SGSM2: variants seen among roughly 807,000 people sequenced by gnomAD.
SGSM2 encodes small G protein signaling modulator 2, also known as RUN and TBC1 domain containing 1.
In SGSM2, 89 loss-of-function variants were observed where a neutral mutation model predicts 126.6. That is an observed-to-expected ratio of 0.70 (90% CI 0.59 to 0.84). The LOEUF (loss-of-function observed/expected upper bound fraction) is 0.84, where lower values mean the gene tolerates loss of function less well. Among genes scored for constraint, SGSM2 ranks in the 40% least tolerant of loss-of-function variants. The pLI is 0.00. For synonymous variants in SGSM2, 614 were observed against 574.3 expected (o/e 1.07, Z -0.99); for missense variants, 1,404 against 1,416.6 (o/e 0.99, Z 0.14).
At position 2,364,618 on chromosome 17, in the gene SGSM2, G is replaced by T. The variant is rs141890015; in HGVS notation, c.955G>T (p.Val319Leu). The T allele has an allele frequency of 4.3e-6, 7 of 1,614,198 alleles. No individual in the cohort carries two copies. The South Asian group carries it at 7.7e-5, about 18-fold the overall frequency. Residue 319 changes from valine to leucine, a missense_variant, in exon 9 of 24, where the codon GTG becomes TTG. Physicochemically the swap from Val to Leu is conservative, Grantham distance 32 (BLOSUM62 1). Transcript: ENST00000268989. ...TAGCGTTTACTGGGACTATGCCCTCGTGGTGCCCTTCAGCCAGGTCGTGTG... is the reference window on the plus strand; with the variant it reads ...TAGCGTTTACTGGGACTATGCCCTCTTGGTGCCCTTCAGCCAGGTCGTGTG... ...EKSVYWDYAL[V>L]VPFSQVVCIH...
intron 17 of SGSM2, among the ~76,000 whole-genome samples, chr17:2,374,822 A>T (rs917331676): frequency 2.0e-5 from 3 of 152,184 alleles, no homozygotes; most frequent in African/African-American, 7.2e-5. Context: ...CCCAAAGTAG[A>T]AACTACTTTT....
At position 2,362,454 on chromosome 17, in the gene SGSM2, C is replaced by CCCGTTCCCAAAAACTGCAGGTGACCGCT. The variant is rs2065359192; in HGVS notation, c.458+192_458+193insAAAAACTGCAGGTGACCGCTCCGTTCCC. On this transcript the variant is annotated intron_variant, in intron 4 of 23. Transcript: ENST00000268989. This position sits in a 1 kb window ranked among gnomAD's most constrained non-coding sequence, Gnocchi z 4.9. Reference sequence around the variant, plus strand: ...GTTCCCAAAAACTGCAGGTGACCGCCCCGTTCCCCAAAAACTGCAGGTGAC... The same window carrying CCCGTTCCCAAAAACTGCAGGTGACCGCT: ...GTTCCCAAAAACTGCAGGTGACCGCCCCGTTCCCAAAAACTGCAGGTGACCGCTCCGTTCCCCAAAAACTGCAGGTGAC... Among the ~76,000 whole-genome samples, 1 of 86,346 alleles carries CCCGTTCCCAAAAACTGCAGGTGACCGCT rather than the reference C, an allele frequency of 1.2e-5. No individual in the cohort carries two copies. The highest frequency in any genetic ancestry group is 2.7e-5 in the Non-Finnish European group (1 of 36,412). 56.6% of individuals were successfully genotyped at this position (86,346 alleles called of 152,430 possible). A position where few individuals can be genotyped will look rare whatever the true frequency, so the allele number is the denominator to read the frequency against.
intron 21 of SGSM2, chr17:2,377,269 A>G (rs2066209990): frequency 1.9e-6 from 1 of 539,436 alleles, no homozygotes; most frequent in Non-Finnish European, 3.3e-6. Flanking sequence ...GCGGATCACG[A>G]AGTCAGGAGT....
rs771821873 is a variant in SGSM2, at chr17:2,372,992, G to A, written c.1828G>A (p.Gly610Arg). 14 of 1,587,500 alleles carry A rather than the reference G, an allele frequency of 8.8e-6. No homozygotes were observed. The highest frequency in any genetic ancestry group is 1.3e-5 in the African/African-American group (1 of 74,372). Residue 610 changes from glycine to arginine, a missense_variant, in exon 16 of 24, where the codon GGA becomes AGA. Gly to Arg is a moderately radical substitution (Grantham distance 125). Transcript: ENST00000268989. This position sits in a 1 kb window ranked among gnomAD's most constrained non-coding sequence, Gnocchi z 6.0. ...GGAGCTGCTGCGGCAAGTTTACTAC[G>A]GAGGCATAGAGCACGAGATCCGCAA... is the stretch of plus-strand genomic sequence containing the variant. ...ELELLRQVYY[G>R]GIEHEIRKDV...
chr17:2,348,599 T>G (rs2064708725), intron 2 of SGSM2, among the ~76,000 whole-genome samples: 1 of 152,102 alleles, frequency 6.6e-6, no homozygotes, highest in Admixed American at 6.5e-5. Context: ...AGACCTGGGT[T>G]CACATCCTGG....
intron 2 of SGSM2, among the ~76,000 whole-genome samples, chr17:2,358,552 A>T (rs1465277181): frequency 6.6e-6 from 1 of 152,060 alleles, no homozygotes; most frequent in Non-Finnish European, 1.5e-5. Context: ...TCTACAAAAA[A>T]TTTTTAAAAA....
At chr17:2,376,427 TTCA>T in intron 19 of SGSM2, 166 bp downstream of exon 19, 1 of 818,790 alleles carries the variant, frequency 1.2e-6, no homozygotes, top group Non-Finnish European at 1.9e-6. Context: ...CCCGCGCCTC[TTCA>T]TTCTTAGGGG....
intron 1 of SGSM2, among the ~76,000 whole-genome samples, chr17:2,340,886 G>A (rs1243505128): frequency 6.6e-6 from 1 of 152,070 alleles, no homozygotes; most frequent in Non-Finnish European, 1.5e-5. Context: ...GCCTGGCCCA[G>A]TGTTTAATTT....
In SGSM2 at chr17:2,372,257, G is replaced by A. The variant is rs2065905208; in HGVS notation, c.1642+3G>A. The A allele has an allele frequency of 6.2e-7, 1 of 1,612,884 alleles. No individual in the cohort carries two copies. Among genetic ancestry groups the A allele is most frequent in the Non-Finnish European group, 8.5e-7 (1 of 1,179,620 alleles). On this transcript the variant is annotated splice_donor_region_variant and intron_variant, in intron 14 of 23. Transcript: ENST00000268989. This position sits in a 1 kb window ranked among gnomAD's most constrained non-coding sequence, Gnocchi z 6.0. ...CGTGTCCCGGGCCTTCTACGGCTGT[G>A]AGTGTGGGGCGCGCCGGGCTGTGGC...
Position 2,380,066 on chromosome 17 carries a change from G to A in SGSM2, c.*546G>A, listed in dbSNP as rs2066348075. 1.4e-6 allele frequency: 2 copies of A among 1,408,136 alleles called. No homozygotes were observed. The highest frequency in any genetic ancestry group is 2.7e-5 in the East Asian group (1 of 37,498). 87.2% of individuals were successfully genotyped at this position (1,408,136 alleles called of 1,614,324 possible). On this transcript the variant is annotated 3_prime_UTR_variant, in exon 24 of 24. Coordinates refer to ENST00000268989, the MANE Select transcript of SGSM2 (RefSeq NM_014853.3). ...GGAGACCCGGGCACGGGAGACCCGG[G>A]CCGCCTTCAGGCCGCTCCCCCGAGA...
chr17:2,345,451 C>G (rs1273339834), intron 2 of SGSM2, among the ~76,000 whole-genome samples: 2 of 151,918 alleles, frequency 1.3e-5, no homozygotes, highest in Non-Finnish European at 2.9e-5. Flanking sequence ...AAAAAATTAG[C>G]CAGGCGTGGT....
chr17:2,362,886 G>C lies in SGSM2; in HGVS notation c.507G>C (p.Pro169=). ...EALLADPVFG[P]ILASLLVGPC... is the part of the protein sequence containing the mutation. ...TGCTGGCAGACCCTGTGTTCGGCCCGATCCTGGCCTCTCTTCTAGGTGAGC... is the reference window on the plus strand; with the variant it reads ...TGCTGGCAGACCCTGTGTTCGGCCCCATCCTGGCCTCTCTTCTAGGTGAGC... Residue 169 remains proline, a synonymous_variant, in exon 5 of 24, where the codon CCG becomes CCC. Coordinates refer to ENST00000268989, the MANE Select transcript of SGSM2 (RefSeq NM_014853.3). The surrounding 1 kb of genome is among the most constrained non-coding windows in gnomAD (Gnocchi z 4.9). The C allele has an allele frequency of 6.2e-7, 1 of 1,614,196 alleles. No homozygotes were observed. Among genetic ancestry groups the C allele is most frequent in the East Asian group, 2.2e-5 (1 of 44,886 alleles).
intron 9 of SGSM2, 93 bp from the exon 10 acceptor site, chr17:2,364,804 C>T: frequency 6.4e-7 from 1 of 1,567,532 alleles, no homozygotes; most frequent in Non-Finnish European, 8.7e-7. Context: ...TGTAGCCCAG[C>T]CATCTGCCTC....
chr17:2,379,891 G>A lies in SGSM2; in HGVS notation c.*371G>A. ...GATTAACAGGGGCTATAGCGGCCTG[G>A]GCCCTACTCAGCTGGGGTGGCAGAG... On this transcript the variant is annotated 3_prime_UTR_variant, in exon 24 of 24. Coordinates refer to ENST00000268989, the MANE Select transcript of SGSM2 (RefSeq NM_014853.3). 3.1e-6 allele frequency: 4 copies of A among 1,301,510 alleles called. No homozygotes were observed. Among genetic ancestry groups the A allele is most frequent in the Non-Finnish European group, 3.9e-6 (4 of 1,019,758 alleles). 80.6% of individuals were successfully genotyped at this position (1,301,510 alleles called of 1,614,324 possible).
Position 2,367,096 on chromosome 17 carries a change from A to C in SGSM2, c.1289-175A>C. ...CTGCCCCAGCCCCTCGCCTCCTTCC[A>C]CACTCTCCCAGGAAAATCATCCAAA... On this transcript the variant is annotated intron_variant, in intron 11 of 23. Transcript: ENST00000268989. The surrounding 1 kb of genome is among the most constrained non-coding windows in gnomAD (Gnocchi z 4.0). 2 of 715,542 alleles carry C rather than the reference A, an allele frequency of 2.8e-6. No individual in the cohort carries two copies. The highest frequency in any genetic ancestry group is 4.4e-6 in the Non-Finnish European group (2 of 449,914). 44.3% of individuals were successfully genotyped at this position (715,542 alleles called of 1,614,324 possible).
intron 13 of SGSM2, chr17:2,371,825 C>T (rs2065885881): frequency 7.7e-6 from 3 of 387,540 alleles, no homozygotes; most frequent in Non-Finnish European, 1.4e-5. Flanking sequence ...TGTGCCAGGG[C>T]AGTGAGTGAA....
In SGSM2 at chr17:2,373,150, C is replaced by A. The variant is rs2065958911; in HGVS notation, c.1917+69C>A. Reference sequence around the variant, plus strand: ...GGGCCAGGGGACGCCAGGGAGGGGACCTTGGAAGCCTCAGCCCCTTCCCAG... The same window carrying A: ...GGGCCAGGGGACGCCAGGGAGGGGAACTTGGAAGCCTCAGCCCCTTCCCAG... On this transcript the variant is annotated intron_variant, in intron 16 of 23. Transcript: ENST00000268989. 26 of 1,589,128 alleles carry A rather than the reference C, an allele frequency of 1.6e-5. No homozygotes were observed. In the South Asian group the frequency reaches 2.8e-4, roughly 17 times the overall value.
At chr17:2,349,313 T>A (rs531275358) in intron 2 of SGSM2, among the ~76,000 whole-genome samples, 2 of 151,852 alleles carry the variant, frequency 1.3e-5, no homozygotes, top group East Asian at 3.9e-4. Flanking sequence ...GAGATGGAGG[T>A]TTCAGTGAGC....
rs1321877593 is a variant in SGSM2, at chr17:2,375,771, G to A, written c.2380G>A (p.Ala794Thr). The change falls in exon 18 of 24, where the codon GCT becomes ACT. Residue 794 changes from alanine to threonine, a missense_variant. Ala to Thr is a moderately conservative substitution (Grantham distance 58). Coordinates refer to ENST00000268989, the MANE Select transcript of SGSM2 (RefSeq NM_014853.3). Reference sequence around the variant, plus strand: ...AGGCTCCAGTGGGCCCGGCCCTGCAGCTCACACTTTGAGGGAGCCCCAGGA... The same window carrying A: ...AGGCTCCAGTGGGCCCGGCCCTGCAACTCACACTTTGAGGGAGCCCCAGGA... ...EEGSSGPGPA[A>T]HTLREPQDPS... 1 of 1,595,556 alleles carries A rather than the reference G, an allele frequency of 6.3e-7. No individual in the cohort carries two copies. Among genetic ancestry groups the A allele is most frequent in the Non-Finnish European group, 8.6e-7 (1 of 1,169,448 alleles).
Sources: allele counts gnomAD v4.1 joint callset (sites outside exome capture counted in the v4.1 genomes callset), GRCh38; gene constraint gnomAD v4.1.1; non-coding constraint Gnocchi (gnomAD v3.1); transcripts MANE v1.5; gene names NCBI Gene and HGNC (gene_info 2026-07-23, HGNC 2026-07-21).